The following ANK2 variants were observed in gnomAD, a reference collection of about 807,000 sequenced individuals.
ANK2 encodes the protein ankyrin 2.
ANK2 carries 83 observed loss-of-function variants against 360.5 expected under a neutral mutation model. That is an observed-to-expected ratio of 0.23 (90% CI 0.19 to 0.28). The LOEUF (loss-of-function observed/expected upper bound fraction) is 0.28, where lower values mean the gene tolerates loss of function less well. ANK2 is among the 10% of genes least tolerant of loss of function. The pLI is 1.00. For missense variants in ANK2, 4,201 were observed against 4,795.7 expected, an observed-to-expected ratio of 0.88 and a Z score of 3.66; for synonymous variants, 1,740 against 1,759.5, an observed-to-expected ratio of 0.99 and a Z score of 0.28.
chr4:113,103,648 A>G (rs1342492489), intron 1 of ANK2, among the ~76,000 whole-genome samples: 1 of 152,174 alleles, frequency 6.6e-6, no homozygotes, highest in Non-Finnish European at 1.5e-5. Flanking sequence ...GAAGCACGTA[A>G]GATCTTTGGA....
At chr4:113,023,428 A>G (rs1420531492) in intron 2 of ANK2, among the ~76,000 whole-genome samples, 2 of 152,104 alleles carry the variant, frequency 1.3e-5, no homozygotes, top group East Asian at 3.9e-4. Context: ...CATGCCCATC[A>G]TGCATGCTCT....
chr4:113,229,310 G>A lies in ANK2; in HGVS notation c.385-2851G>A, dbSNP rs115747773. ...TTTCTTGCCTTTCTCAGCTTCTAAC[G>A]CTGCATTCTTGGATCACGGCCCCGT... On this transcript the variant is annotated intron_variant, in intron 4 of 45. Transcript: ENST00000357077. 6.7e-3 allele frequency among the ~76,000 whole-genome samples: 1,024 copies of A among 152,200 alleles called. 17 individuals carry two copies. The highest frequency in any genetic ancestry group is 0.023 in the African/African-American group (971 of 41,514).
chr4:112,771,839 C>A, the ANK2 span, among the ~76,000 whole-genome samples: 1 of 152,140 alleles, frequency 6.6e-6, no homozygotes, highest in East Asian at 1.9e-4. Context: ...CCCGCCTTGG[C>A]CTCCCAAAGT....
intron 2 of ANK2, among the ~76,000 whole-genome samples, chr4:112,946,646 T>C (rs1041025141): frequency 6.6e-6 from 1 of 152,204 alleles, no homozygotes. Context: ...GATCAGCTAA[T>C]TTTGGAATTC....
chr4:113,321,539 AT>A (rs1325508426), intron 26 of ANK2, among the ~76,000 whole-genome samples: 1 of 152,212 alleles, frequency 6.6e-6, no homozygotes, highest in African/African-American at 2.4e-5. Context: ...GTTTCCTGGT[AT>A]TTGAAAGCTA....
intron 1 of ANK2, among the ~76,000 whole-genome samples, chr4:112,884,158 A>C (rs1264148703): frequency 6.6e-6 from 1 of 152,136 alleles, no homozygotes; most frequent in African/African-American, 2.4e-5. Flanking sequence ...GACAAAATAA[A>C]TTTGTATCTT....
intron 26 of ANK2, among the ~76,000 whole-genome samples, chr4:113,322,828 C>G (rs1013635626): frequency 1.1e-4 from 17 of 152,132 alleles, no homozygotes; most frequent in Admixed American, 3.3e-4. Context: ...AGTCAAGGCT[C>G]TCACTTGACA....
chr4:112,963,219 G>A (rs192375891), intron 2 of ANK2, among the ~76,000 whole-genome samples: 8 of 152,194 alleles, frequency 5.3e-5, no homozygotes, highest in Non-Finnish European at 5.9e-5. Context: ...AGCCAAGTGT[G>A]TTTCCAAATA....
chr4:112,947,624 A>G (rs2094630181), intron 2 of ANK2, among the ~76,000 whole-genome samples: 1 of 152,222 alleles, frequency 6.6e-6, no homozygotes, highest in Non-Finnish European at 1.5e-5. Context: ...CATGCAGGGC[A>G]AAGACTGTTC....
chr4:112,786,235 GA>G, the ANK2 span, among the ~76,000 whole-genome samples: 42 of 128,058 alleles, frequency 3.3e-4, no homozygotes, highest in African/African-American at 1.1e-3. Context: ...CAGGTTTGAT[GA>G]AAAAAAAAAG....
intron 2 of ANK2, among the ~76,000 whole-genome samples, chr4:112,952,711 A>C (rs2095104386): frequency 6.6e-6 from 1 of 152,234 alleles, no homozygotes; most frequent in Non-Finnish European, 1.5e-5. Context: ...ATTATTGAGC[A>C]AAATTATTAT....
In ANK2 at chr4:112,986,071, C is replaced by CAT. The variant is rs141770018; in HGVS notation, c.21+81571_21+81572dup. On this transcript the variant is annotated intron_variant, in intron 2 of 30. Transcript: ENST00000503271. ...TAAAATTATATATAAAATTATGATC[C>CAT]ATATATATATATATAATCCAATATA... Among the ~76,000 whole-genome samples, 519 of 101,588 alleles carry CAT rather than the reference C, an allele frequency of 5.1e-3. 24 individuals are homozygous for CAT. In the South Asian group the frequency reaches 0.16, roughly 31 times the overall value. 66.6% of individuals were successfully genotyped at this position (101,588 alleles called of 152,430 possible).
chr4:113,306,833 A>G (rs1384811668), intron 23 of ANK2, among the ~76,000 whole-genome samples: 2 of 152,262 alleles, frequency 1.3e-5, no homozygotes, highest in Non-Finnish European at 2.9e-5. Context: ...GTAATAGCAC[A>G]GCCATGATAT....
intron 26 of ANK2, among the ~76,000 whole-genome samples, chr4:113,327,482 C>T (rs1376038644): frequency 6.6e-6 from 1 of 152,142 alleles, no homozygotes; most frequent in Non-Finnish European, 1.5e-5. Context: ...CTATGTTAGC[C>T]TTAGACATAA....
At chr4:112,793,706 C>CTTTTTTT in the ANK2 span, among the ~76,000 whole-genome samples, 1 of 134,782 alleles carries the variant, frequency 7.4e-6, no homozygotes, top group African/African-American at 2.7e-5. Context: ...ATTTTCTTTT[C>CTTTTTTT]TTTTTTTTTT....
chr4:112,824,364 T>A (rs1008679792), intron 1 of ANK2, among the ~76,000 whole-genome samples: 5 of 152,120 alleles, frequency 3.3e-5, no homozygotes, highest in Non-Finnish European at 7.4e-5. Flanking sequence ...GACCAGTTAA[T>A]TTTTTAAGTT....
rs778356748 is a variant in ANK2, at chr4:113,369,500, C to T, written c.11319-14C>T. ...CAAATGTCCCTGAAGTCTCATTTGG[C>T]TTTTTGATTCCAGTGTGACAACTCC... On this transcript the variant is annotated splice_polypyrimidine_tract_variant and intron_variant, in intron 42 of 45. Transcript: ENST00000357077. 6.2e-7 allele frequency: 1 copy of T among 1,613,154 alleles called. No homozygotes were observed.
At chr4:113,374,199 C>T (rs909209618) in intron 45 of ANK2, among the ~76,000 whole-genome samples, 2 of 152,230 alleles carry the variant, frequency 1.3e-5, no homozygotes, top group East Asian at 1.9e-4. Context: ...ACTAGGATTA[C>T]AGGCATGAGC....
intron 1 of ANK2, among the ~76,000 whole-genome samples, chr4:113,088,316 A>G (rs2085898836): frequency 1.3e-5 from 2 of 152,198 alleles, no homozygotes; most frequent in Non-Finnish European, 2.9e-5. Context: ...AGTGACTGGC[A>G]ATAGTCACAG....
Sources: gnomAD v4.1 joint callset for allele counts (sites outside exome capture counted in the v4.1 genomes callset) on GRCh38, gnomAD v4.1.1 for gene constraint, MANE v1.5 for transcripts, NCBI Gene and HGNC (gene_info 2026-07-23, HGNC 2026-07-21) for gene names.